Variants in LAMA5 observed in about 807,000 individuals in gnomAD.
LAMA5 encodes laminin subunit alpha 5.
Under a neutral mutation model 433.4 loss-of-function variants are expected in LAMA5, and 260 were observed. The observed-to-expected ratio is 0.60, with a 90% confidence interval of 0.54 to 0.66. The LOEUF (loss-of-function observed/expected upper bound fraction) is 0.66, where lower values mean the gene tolerates loss of function less well. LAMA5 is among the 30% of genes least tolerant of loss of function. The pLI, the probability that LAMA5 is intolerant of heterozygous loss-of-function variation, is 0.00. For synonymous variants in LAMA5, 2,620 were observed against 2,226.6 expected, an observed-to-expected ratio of 1.18 and a Z score of -4.97; for missense variants, 5,378 against 5,258.5, an observed-to-expected ratio of 1.02 and a Z score of -0.70.
At position 62,359,734 on chromosome 20, in the gene LAMA5, A is replaced by G. The variant is rs1010429405; in HGVS notation, c.450+2666T>C. ...TCCACGGCTGGGCGCAGCGGGACCC[A>G]GGCCAGGAGCCCAGCTGGCACTCCC... is the stretch of plus-strand genomic sequence containing the variant. On this transcript the variant is annotated intron_variant, in intron 2 of 79. Transcript: ENST00000252999. This position sits in a 1 kb window ranked among gnomAD's most constrained non-coding sequence, Gnocchi z 4.3. 2.6e-5 allele frequency among the ~76,000 whole-genome samples: 4 copies of G among 151,944 alleles called. No individual in the cohort carries two copies. Among genetic ancestry groups the G allele is most frequent in the Non-Finnish European group, 2.9e-5 (2 of 67,934 alleles).
intron 78 of LAMA5, 55 bp from the exon 79 acceptor site, chr20:62,309,890 A>G: frequency 4.4e-6 from 7 of 1,607,078 alleles, no homozygotes; most frequent in Non-Finnish European, 5.9e-6. Flanking sequence ...GCCTCTCTCC[A>G]GCCCCAAAAG....
At chr20:62,326,353 A>G in intron 40 of LAMA5, 1 of 262,448 alleles carries the variant, frequency 3.8e-6, no homozygotes, top group Non-Finnish European at 7.2e-6. Context: ...GGATGGAAAA[A>G]GATTTGCAAG....
chr20:62,319,231 C>T, intron 51 of LAMA5: 1 of 570,686 alleles, frequency 1.8e-6, no homozygotes, highest in Non-Finnish European at 3.1e-6. Flanking sequence ...ACCCTGACAC[C>T]AGTCTGCTCA....
intron 50 of LAMA5, among the ~76,000 whole-genome samples, chr20:62,320,022 C>T (rs944149781): frequency 6.6e-6 from 1 of 152,132 alleles, no homozygotes; most frequent in Admixed American, 6.6e-5. Context: ...AATAGTTACT[C>T]ATTAAGACAT....
At position 62,309,340 on chromosome 20, in the gene LAMA5, G is replaced by A. The variant is rs1431490084; in HGVS notation, c.11084C>T (p.Ala3695Val). The A allele has an allele frequency of 1.3e-6, 2 of 1,591,576 alleles. No homozygotes were observed. The change falls in exon 80 of 80, where the codon GCC becomes GTC. Residue 3695 changes from alanine to valine, a missense_variant. Physicochemically the swap from Ala to Val is moderately conservative, Grantham distance 64 (BLOSUM62 0). Transcript: ENST00000252999. The part of the protein sequence containing the change: ...GAVGASGCPA[A>V] ...GGGGCCGGGGTTGGCTGTGTCCTAGGCGGCTGGGCAGCCACTGGCCCCCAC... is the reference window on the plus strand; with the variant it reads ...GGGGCCGGGGTTGGCTGTGTCCTAGACGGCTGGGCAGCCACTGGCCCCCAC...
At chr20:62,322,817 A>G in intron 45 of LAMA5, 59 bp from the exon 46 acceptor site, 4 of 1,142,366 alleles carry the variant, frequency 3.5e-6, no homozygotes, top group Non-Finnish European at 2.4e-6. Flanking sequence ...GGGAGCCCCT[A>G]GGCACCCTCC....
rs760017912 is a variant in LAMA5 at position 62,312,875 on chromosome 20, A to G, written c.9078+13T>C. Reference sequence around the variant, plus strand: ...TCCTCTCCCTGCCACCCTGGTCCCCACCCTGGCCCTACCGCCTTGCTGGCC... The same window carrying G: ...TCCTCTCCCTGCCACCCTGGTCCCCGCCCTGGCCCTACCGCCTTGCTGGCC... On this transcript the variant is annotated intron_variant, in intron 66 of 79. Transcript: ENST00000252999. 5 of 1,594,206 alleles carry G rather than the reference A, an allele frequency of 3.1e-6. No individual in the cohort carries two copies. The East Asian group carries it at 1.1e-4, about 36-fold the overall frequency.
intron 18 of LAMA5, 73 bp from the exon 19 acceptor site, chr20:62,335,342 C>T (rs1226691421): frequency 6.6e-7 from 1 of 1,518,776 alleles, no homozygotes. Context: ...CGAGGAACCC[C>T]CACACCCTAA....
Position 62,330,943 on chromosome 20 carries a change from C to T in LAMA5, c.3652G>A (p.Ala1218Thr). The change falls in exon 30 of 80, where the codon GCC (alanine) becomes ACC (threonine). Residue 1218 changes from alanine (A) to threonine (T), a missense_variant and splice_region_variant. Coordinates refer to ENST00000252999, the MANE Select transcript of LAMA5 (RefSeq NM_005560.6). ...GGGAAGCGCGAGGGCAGACAGGCGG[C>T]ACTGGTGAGAGCACAGTGGGTGAGT... ...SSHGAFGPNSAACLPSRFPKP... is the reference protein window; with the variant it reads ...SSHGAFGPNSTACLPSRFPKP... 6.4e-7 allele frequency: 1 copy of T among 1,553,116 alleles called. No individual in the cohort carries two copies. The highest frequency in any genetic ancestry group is 8.7e-7 in the Non-Finnish European group (1 of 1,148,620).
In LAMA5 at chr20:62,310,485, G is replaced by A. The variant is rs767119943; in HGVS notation, c.10534C>T (p.Pro3512Ser). Residue 3512 changes from proline to serine, a missense_variant, in exon 76 of 80, where the codon CCC (proline) becomes TCC (serine). Transcript: ENST00000252999. ...GCCTCCAGGGGGCCCAAGATGCAGG[G>A]TGTGACCCCTGCCATCCGTGTGGGG... Reference protein sequence around the residue: ...GAPTRMAGVTPCILGPLEAGL... With the variant: ...GAPTRMAGVTSCILGPLEAGL... The A allele has an allele frequency of 4.4e-6, 7 of 1,579,938 alleles. No homozygotes were observed. Among genetic ancestry groups the A allele is most frequent in the African/African-American group, 4.1e-5 (3 of 73,368 alleles).
chr20:62,366,015 A>C (rs1015944312), intron 1 of LAMA5, among the ~76,000 whole-genome samples: 1 of 152,148 alleles, frequency 6.6e-6, no homozygotes, highest in African/African-American at 2.4e-5. Flanking sequence ...CCCCTGCCCC[A>C]GCCTCTCCTT....
At chr20:62,347,995 A>C (rs749297470) in intron 6 of LAMA5, among the ~76,000 whole-genome samples, 1 of 152,190 alleles carries the variant, frequency 6.6e-6, no homozygotes, top group Non-Finnish European at 1.5e-5. Flanking sequence ...ATCAACAAAG[A>C]AGCTGCTCTG....
In LAMA5 at chr20:62,317,752, G is replaced by C. The variant is rs770252991; in HGVS notation, c.7266C>G (p.Asp2422Glu). ...GCAGAGTGGCCTGCAGGGTGGCATT[G>C]TCCCGGGACAGCTCCTGCTTCCTTT... is the stretch of plus-strand genomic sequence containing the variant. ...ALQRKQELSR[D>E]NATLQATLHA... The change falls in exon 54 of 80, where the codon GAC (aspartate) becomes GAG (glutamate). Residue 2422 changes from aspartate to glutamate, a missense_variant. By Grantham distance (45) the Asp-to-Glu change is conservative. Transcript: ENST00000252999. 6.2e-7 allele frequency: 1 copy of C among 1,604,982 alleles called. No individual in the cohort carries two copies. The highest frequency in any genetic ancestry group is 8.5e-7 in the Non-Finnish European group (1 of 1,176,648).
intron 11 of LAMA5, among the ~76,000 whole-genome samples, chr20:62,338,973 G>A (rs1349543231): frequency 1.3e-5 from 2 of 149,818 alleles, no homozygotes; most frequent in East Asian, 4.1e-4. Context: ...GGAGGCGGAG[G>A]TTGCAATGAG....
rs371829628 is a variant in LAMA5, at chr20:62,325,343, G to C, written c.5502C>G (p.Pro1834=). The C allele has an allele frequency of 5.6e-6, 9 of 1,595,614 alleles. No individual in the cohort carries two copies. The African/African-American group carries it at 1.2e-4, about 21-fold the overall frequency. Residue 1834 remains proline (P), a synonymous_variant, in exon 41 of 80, where the codon CCC becomes CCG. Coordinates refer to ENST00000252999, the MANE Select transcript of LAMA5 (RefSeq NM_005560.6). ...LASNVELCLC[P]ASYRGDSCQE... Reference sequence around the variant, plus strand: ...GGCATGAGTCCCCCCGGTAGCTGGCGGGGCACAGGCACAGCTCCACATTGC... The same window carrying C: ...GGCATGAGTCCCCCCGGTAGCTGGCCGGGCACAGGCACAGCTCCACATTGC...
Position 62,310,068 on chromosome 20 carries a change from G to T in LAMA5, c.10748C>A (p.Ala3583Glu). The change falls in exon 78 of 80, where the codon GCG becomes GAG. Residue 3583 changes from alanine (A) to glutamate (E), a missense_variant. Physicochemically the swap from Ala to Glu is moderately radical, Grantham distance 107. Coordinates refer to ENST00000252999, the MANE Select transcript of LAMA5 (RefSeq NM_005560.6). The part of the protein sequence containing the change: ...QVTEKQVLLR[A>E]DDGAGEFSTS... ...GGAGAACTCCCCTGCTCCGTCATCC[G>T]CCCGCAGCAGGACCTGGCGGGGTAG... 1 of 1,610,772 alleles carries T rather than the reference G, an allele frequency of 6.2e-7. No homozygotes were observed. Among genetic ancestry groups the T allele is most frequent in the Non-Finnish European group, 8.5e-7 (1 of 1,179,562 alleles).
chr20:62,343,092 G>A (rs973412085), intron 11 of LAMA5, among the ~76,000 whole-genome samples: 12 of 152,250 alleles, frequency 7.9e-5, no homozygotes, highest in East Asian at 3.9e-4. Flanking sequence ...TTATTGGAAC[G>A]CCGCCAACCC....
At chr20:62,335,554 GC>G (rs573307390) in intron 18 of LAMA5, among the ~76,000 whole-genome samples, 2,449 of 100,264 alleles carry the variant, frequency 0.024, 44 homozygotes, top group Non-Finnish European at 0.036. Flanking sequence ...TCAGACTCCA[GC>G]CCCCCCCCAG....
chr20:62,323,401 C>T, intron 45 of LAMA5, 55 bp downstream of exon 45: 1 of 1,392,724 alleles, frequency 7.2e-7, no homozygotes. Flanking sequence ...CAGCAGGCCT[C>T]CCTCCTCCCC....
Sources: allele counts gnomAD v4.1 joint callset (sites outside exome capture counted in the v4.1 genomes callset), GRCh38; gene constraint gnomAD v4.1.1; non-coding constraint Gnocchi (gnomAD v3.1); transcripts MANE v1.5; gene names NCBI Gene and HGNC (gene_info 2026-07-23, HGNC 2026-07-21).